CREB1: variants seen among roughly 807,000 people sequenced by gnomAD.
CREB1 encodes cAMP responsive element binding protein 1.
Under a neutral mutation model 42.0 loss-of-function variants are expected in CREB1, and 2 were observed. The ratio of observed to expected loss-of-function variants is 0.05; its 90% CI spans 0.02 to 0.15. CREB1 has a LOEUF of 0.15. CREB1 is among the 10% of genes least tolerant of loss of function. CREB1 has a pLI of 1.00. For missense variants in CREB1, 199 were observed against 388.9 expected (o/e 0.51, Z 4.11); for synonymous variants, 123 against 139.9 (o/e 0.88, Z 0.85).
intron 1 of CREB1, among the ~76,000 whole-genome samples, chr2:207,551,350 G>A (rs182628881): frequency 2.6e-5 from 4 of 152,126 alleles, no homozygotes; most frequent in African/African-American, 7.2e-5. Context: ...GATAAATTTC[G>A]TGAGGCTAGG....
In CREB1 at chr2:207,603,783, ACT is replaced by A. The variant is rs2087559184; in HGVS notation, c.*6728_*6729del. Among the ~76,000 whole-genome samples the A allele has an allele frequency of 6.6e-6, 1 of 152,034 alleles. No individual in the cohort carries two copies. The highest frequency in any genetic ancestry group is 6.6e-5 in the Admixed American group (1 of 15,242). ...TCTCAGGTCCCCTTGCAATTCTAAA[ACT>A]CTGTGATCATATAAATTGGAAGGAA... On this transcript the variant is annotated 3_prime_UTR_variant, in exon 8 of 8. Coordinates refer to ENST00000353267, the MANE Select transcript of CREB1 (RefSeq NM_004379.5).
At position 207,600,806 on chromosome 2, in the gene CREB1, C is replaced by A. The variant is rs2086914952; in HGVS notation, c.*3748C>A. On this transcript the variant is annotated 3_prime_UTR_variant, in exon 8 of 8. Coordinates refer to ENST00000353267, the MANE Select transcript of CREB1 (RefSeq NM_004379.5). Reference sequence around the variant, plus strand: ...CAGGATAAATCCCTGTAGGACAAATCCCTACTATCATTTCTACCTTTTGGG... The same window carrying A: ...CAGGATAAATCCCTGTAGGACAAATACCTACTATCATTTCTACCTTTTGGG... 1.4e-5 allele frequency: 3 copies of A among 209,550 alleles called. No individual in the cohort carries two copies. Among genetic ancestry groups the A allele is most frequent in the African/African-American group, 6.8e-5 (3 of 44,002 alleles). The allele number at this position is 209,550 out of a possible 1,614,324, so 13.0% of individuals were successfully genotyped here.
chr2:207,582,107 A>C, intron 7 of CREB1: 3 of 702,836 alleles, frequency 4.3e-6, no homozygotes, highest in Non-Finnish European at 7.8e-6. Context: ...TTGAGCTACC[A>C]TTTTTCTCTT....
chr2:207,595,769 A>G (rs565870485), intron 7 of CREB1, among the ~76,000 whole-genome samples: 1 of 152,096 alleles, frequency 6.6e-6, no homozygotes, highest in South Asian at 2.1e-4. Context: ...GGGTCTTAAT[A>G]TATTGCCCAG....
At chr2:207,535,056 C>T (rs1178882242) in intron 1 of CREB1, among the ~76,000 whole-genome samples, 1 of 152,160 alleles carries the variant, frequency 6.6e-6, no homozygotes, top group Non-Finnish European at 1.5e-5. Context: ...AGTTAGTGAG[C>T]TGCTTTTATT....
rs1372898028 is a variant in CREB1, at chr2:207,600,191, C to G, written c.*3133C>G. 5.8e-6 allele frequency: 1 copy of G among 173,208 alleles called. No homozygotes were observed. Among genetic ancestry groups the G allele is most frequent in the Non-Finnish European group, 1.2e-5 (1 of 81,804 alleles). The allele number at this position is 173,208 out of a possible 1,614,324, so 10.7% of individuals were successfully genotyped here. A position where few individuals can be genotyped will look rare whatever the true frequency, so the allele number is the denominator to read the frequency against. On this transcript the variant is annotated 3_prime_UTR_variant, in exon 8 of 8. Transcript: ENST00000353267. Reference sequence around the variant, plus strand: ...ATAATATTGTCATAGGTGCTCTCTTCATTTAGATATTCTTGGGGGGGGTGG... The same window carrying G: ...ATAATATTGTCATAGGTGCTCTCTTGATTTAGATATTCTTGGGGGGGGTGG...
At chr2:207,546,513 G>A (rs1559270370) in intron 1 of CREB1, among the ~76,000 whole-genome samples, 1 of 152,132 alleles carries the variant, frequency 6.6e-6, no homozygotes, top group East Asian at 1.9e-4. Context: ...GATCACCTGA[G>A]GTCAGGAGTT....
At position 207,598,133 on chromosome 2, in the gene CREB1, A is replaced by C. The variant is rs1024093561; in HGVS notation, c.*1075A>C. 1 of 180,698 alleles carries C rather than the reference A, an allele frequency of 5.5e-6. No homozygotes were observed. Among genetic ancestry groups the C allele is most frequent in the African/African-American group, 2.4e-5 (1 of 42,446 alleles). 11.2% of individuals were successfully genotyped at this position (180,698 alleles called of 1,614,324 possible). ...CTGATTTTAAATATTTTCCATATTA[A>C]CAATTTAACAGAGAATCTCTAGTGA... On this transcript the variant is annotated 3_prime_UTR_variant, in exon 8 of 8. Transcript: ENST00000353267.
rs2083645028 is a variant in CREB1 at position 207,585,422 on chromosome 2, C to T, written c.839+7767C>T. Among the ~76,000 whole-genome samples the T allele has an allele frequency of 2.6e-5, 4 of 152,158 alleles. No homozygotes were observed. In the South Asian group the frequency reaches 6.2e-4, roughly 24 times the overall value. ...CCCTACCCAGCTAACACTACAGCTA[C>T]ATCTACAGTAAAAGTCTTTCTCTAC... On this transcript the variant is annotated intron_variant, in intron 7 of 7. Coordinates refer to ENST00000353267, the MANE Select transcript of CREB1 (RefSeq NM_004379.5).
At chr2:207,593,757 C>T (rs2085546172) in intron 7 of CREB1, among the ~76,000 whole-genome samples, 1 of 138,986 alleles carries the variant, frequency 7.2e-6, no homozygotes, top group Non-Finnish European at 1.5e-5. Flanking sequence ...AAACACCTAT[C>T]ACCCAGGCTG....
Position 207,603,963 on chromosome 2 carries a change from A to G in CREB1, c.*6905A>G, listed in dbSNP as rs1043085478. Among the ~76,000 whole-genome samples the G allele has an allele frequency of 1.3e-5, 2 of 152,238 alleles. No individual in the cohort carries two copies. The highest frequency in any genetic ancestry group is 4.8e-5 in the African/African-American group (2 of 41,472). ...TTTCTTCACTGCCAAGATGTGTTCA[A>G]GCCTGCTATACCTGCCATTGTATTG... is the stretch of plus-strand genomic sequence containing the variant. On this transcript the variant is annotated 3_prime_UTR_variant, in exon 8 of 8. Transcript: ENST00000353267.
intron 7 of CREB1, among the ~76,000 whole-genome samples, chr2:207,588,731 T>C (rs1194433338): frequency 1.7e-5 from 1 of 58,304 alleles, no homozygotes; most frequent in African/African-American, 3.1e-5. Context: ...TTTTCTGGTT[T>C]TTTTTTTTTT....
rs1425091748 is a variant in CREB1, at chr2:207,601,649, G to A, written c.*4591G>A. ...CATTAATTTGTCTAGAATAGTACAAGACTTTTTAAAGCAATTGTCCTCACA... is the reference window on the plus strand; with the variant it reads ...CATTAATTTGTCTAGAATAGTACAAAACTTTTTAAAGCAATTGTCCTCACA... On this transcript the variant is annotated 3_prime_UTR_variant, in exon 8 of 8. Transcript: ENST00000353267. 4.7e-6 allele frequency: 1 copy of A among 211,710 alleles called. No individual in the cohort carries two copies. The highest frequency in any genetic ancestry group is 9.5e-6 in the Non-Finnish European group (1 of 104,728). The allele number at this position is 211,710 out of a possible 1,614,324, so 13.1% of individuals were successfully genotyped here. A position where few individuals can be genotyped will look rare whatever the true frequency, so the allele number is the denominator to read the frequency against.
intron 1 of CREB1, among the ~76,000 whole-genome samples, chr2:207,531,292 A>G (rs924982904): frequency 5.9e-5 from 9 of 152,022 alleles, no homozygotes; most frequent in African/African-American, 2.2e-4. Flanking sequence ...CATATTTCCC[A>G]CGAATTTCTG....
intron 6 of CREB1, chr2:207,576,975 C>G: frequency 1.1e-6 from 1 of 879,130 alleles, no homozygotes; most frequent in Non-Finnish European, 1.4e-6. Flanking sequence ...ATATAATTGG[C>G]ATCAAGTGAT....
chr2:207,559,305 T>C, intron 2 of CREB1: 1 of 980,524 alleles, frequency 1.0e-6, no homozygotes. Context: ...TAAATTCACA[T>C]TCTTCCCTGA....
chr2:207,569,410 T>G lies in CREB1; in HGVS notation c.363-769T>G, dbSNP rs371476708. ...ATGTATGAGAGTGTGGTGTTTTTTGTTTTTGTTTTTGTTTTTTTTGTAGCT... is the reference window on the plus strand; with the variant it reads ...ATGTATGAGAGTGTGGTGTTTTTTGGTTTTGTTTTTGTTTTTTTTGTAGCT... On this transcript the variant is annotated intron_variant, in intron 4 of 7. Transcript: ENST00000353267. 3.2e-4 allele frequency among the ~76,000 whole-genome samples: 49 copies of G among 152,248 alleles called. No individual in the cohort carries two copies. The East Asian group carries it at 6.8e-3, about 21-fold the overall frequency.
At chr2:207,586,760 T>G (rs1390339951) in intron 7 of CREB1, among the ~76,000 whole-genome samples, 1 of 152,134 alleles carries the variant, frequency 6.6e-6, no homozygotes, top group Non-Finnish European at 1.5e-5. Context: ...TAGACATTTC[T>G]CAAAAGAAGA....
Position 207,553,297 on chromosome 2 carries a change from G to T in CREB1, c.-8-2331G>T, listed in dbSNP as rs563842979. On this transcript the variant is annotated intron_variant, in intron 1 of 7. Transcript: ENST00000353267. ...TTGACCAGGCTGGTCTTGAACTCCT[G>T]ACCTCAGGCGATCCACCCGCTTTGG... Among the ~76,000 whole-genome samples the T allele has an allele frequency of 2.6e-5, 4 of 152,040 alleles. No homozygotes were observed. The South Asian group carries it at 8.3e-4, about 32-fold the overall frequency.
Sources: gnomAD v4.1 joint callset for allele counts (sites outside exome capture counted in the v4.1 genomes callset) on GRCh38, gnomAD v4.1.1 for gene constraint, MANE v1.5 for transcripts, NCBI Gene and HGNC (gene_info 2026-07-23, HGNC 2026-07-21) for gene names.